Variants in EBF1 observed in about 807,000 individuals in gnomAD.
EBF1 encodes the protein EBF transcription factor 1, also known as transcription factor COE1.
A neutral mutation model predicts 68.4 loss-of-function variants in EBF1; 10 were observed. The observed-to-expected ratio is 0.15, with a 90% CI of 0.09 to 0.25. The LOEUF (loss-of-function observed/expected upper bound fraction) is 0.25, where lower values mean the gene tolerates loss of function less well. Ranked by LOEUF, EBF1 falls within the 10% of genes least tolerant of loss-of-function variation. The pLI, the probability that EBF1 is intolerant of heterozygous loss-of-function variation, is 1.00. For missense variants in EBF1, 509 were observed against 794.4 expected (o/e 0.64, Z 4.32); for synonymous variants, 298 against 299.8 (o/e 0.99, Z 0.06).
chr5:158,763,542 A>G (rs1771973402), intron 10 of EBF1, among the ~76,000 whole-genome samples: 1 of 152,178 alleles, frequency 6.6e-6, no homozygotes, highest in Admixed American at 6.6e-5. Context: ...AAAAGCATGT[A>G]AACAAATCAG....
chr5:159,090,053 A>G (rs1248459440), intron 4 of EBF1, among the ~76,000 whole-genome samples: 2 of 152,114 alleles, frequency 1.3e-5, no homozygotes, highest in Non-Finnish European at 2.9e-5. Context: ...TAAGAGAATA[A>G]GTTCATGAAT....
At chr5:158,840,693 A>AC in intron 6 of EBF1, among the ~76,000 whole-genome samples, 1 of 83,574 alleles carries the variant, frequency 1.2e-5, no homozygotes, top group Admixed American at 2.1e-4. Flanking sequence ...TTTTTTTGAG[A>AC]CGGAGTCTCG....
At chr5:158,943,613 G>A (rs1400307459) in intron 6 of EBF1, among the ~76,000 whole-genome samples, 1 of 152,098 alleles carries the variant, frequency 6.6e-6, no homozygotes, top group Non-Finnish European at 1.5e-5. Flanking sequence ...ATCATTCTGG[G>A]TTCTAGAATC....
At chr5:158,849,904 T>C (rs1429462431) in intron 6 of EBF1, among the ~76,000 whole-genome samples, 1 of 152,222 alleles carries the variant, frequency 6.6e-6, no homozygotes, top group East Asian at 1.9e-4. Context: ...CGAGTGGCTT[T>C]CTCAAAGTTT....
In EBF1 at chr5:158,754,000, T is replaced by C. The variant is rs140157605; in HGVS notation, c.1037-22843A>G. Among the ~76,000 whole-genome samples, 234 of 151,936 alleles carry C rather than the reference T, an allele frequency of 1.5e-3. 1 individual carries two copies. The highest frequency in any genetic ancestry group is 5.2e-3 in the African/African-American group (214 of 41,526). On this transcript the variant is annotated intron_variant, in intron 10 of 15. Transcript: ENST00000313708. ...TTGCTAATTTTTTTTCTAACTAGGGTTTAAAGTTGCAAGTCTAGAGTGCTT... is the reference window on the plus strand; with the variant it reads ...TTGCTAATTTTTTTTCTAACTAGGGCTTAAAGTTGCAAGTCTAGAGTGCTT...
intron 6 of EBF1, among the ~76,000 whole-genome samples, chr5:159,046,398 T>C (rs1217907450): frequency 6.6e-6 from 1 of 152,180 alleles, no homozygotes; most frequent in Non-Finnish European, 1.5e-5. Flanking sequence ...TGTCGACTTG[T>C]GCAATGACAA....
rs553050053 is a variant in EBF1 at position 158,893,879 on chromosome 5, C to T, written c.555-53769G>A. Among the ~76,000 whole-genome samples, 9 of 152,178 alleles carry T rather than the reference C, an allele frequency of 5.9e-5. No individual in the cohort carries two copies. The South Asian group carries it at 1.9e-3, about 32-fold the overall frequency. ...AGAGGCTGAAGGGCTCTTCGGGGACCAAATTACAGTTTCAAAATGGTTCTT... is the reference window on the plus strand; with the variant it reads ...AGAGGCTGAAGGGCTCTTCGGGGACTAAATTACAGTTTCAAAATGGTTCTT... On this transcript the variant is annotated intron_variant, in intron 6 of 15. Coordinates refer to ENST00000313708, the MANE Select transcript of EBF1 (RefSeq NM_024007.5).
intron 9 of EBF1, among the ~76,000 whole-genome samples, chr5:158,792,167 A>G (rs550404523): frequency 2.0e-5 from 3 of 152,326 alleles, no homozygotes; most frequent in East Asian, 1.9e-4. Context: ...ACAATTTTTT[A>G]AAAGACTTTT....
intron 6 of EBF1, among the ~76,000 whole-genome samples, chr5:159,033,733 C>T (rs1769430086): frequency 6.6e-6 from 1 of 152,160 alleles, no homozygotes; most frequent in Non-Finnish European, 1.5e-5. Context: ...TTTACAAATG[C>T]ATAAAATGCC....
At chr5:158,942,493 A>G (rs1390389210) in intron 6 of EBF1, among the ~76,000 whole-genome samples, 1 of 152,230 alleles carries the variant, frequency 6.6e-6, no homozygotes, top group Admixed American at 6.5e-5. Flanking sequence ...GACACGTGGT[A>G]AGCCCTCAAC....
intron 15 of EBF1, among the ~76,000 whole-genome samples, chr5:158,700,572 C>G (rs892589104): frequency 2.6e-5 from 4 of 151,836 alleles, no homozygotes; most frequent in African/African-American, 9.7e-5. Flanking sequence ...ACAGGGAGGC[C>G]ACCCTGGGCT....
At chr5:158,810,299 T>G (rs562304009) in intron 8 of EBF1, among the ~76,000 whole-genome samples, 201 of 152,260 alleles carry the variant, frequency 1.3e-3, no homozygotes, top group African/African-American at 4.6e-3. Flanking sequence ...TAGTAGGTGC[T>G]CAGTATCTGT....
At chr5:158,952,764 G>C (rs991412433) in intron 6 of EBF1, among the ~76,000 whole-genome samples, 2 of 152,026 alleles carry the variant, frequency 1.3e-5, no homozygotes, top group South Asian at 4.1e-4. Flanking sequence ...AAGTTGCTTC[G>C]TGTGCCCTAA....
intron 6 of EBF1, among the ~76,000 whole-genome samples, chr5:159,043,536 C>G (rs1255683970): frequency 6.6e-6 from 1 of 152,204 alleles, no homozygotes; most frequent in Admixed American, 6.5e-5. Context: ...TGACCCACTA[C>G]TCCAAACTTC....
intron 15 of EBF1, among the ~76,000 whole-genome samples, chr5:158,703,783 G>T (rs1375484812): frequency 6.6e-6 from 1 of 152,136 alleles, no homozygotes; most frequent in Non-Finnish European, 1.5e-5. Flanking sequence ...TCTGCTGAAA[G>T]TGCCCCTTGC....
intron 9 of EBF1, among the ~76,000 whole-genome samples, chr5:158,779,031 T>C (rs140761897): frequency 5.3e-5 from 8 of 152,164 alleles, no homozygotes; most frequent in East Asian, 1.9e-4. Context: ...AGTTTAATAA[T>C]GTAGAGAGAA....
Position 159,099,588 on chromosome 5 carries a change from A to AT in EBF1, c.-111dup, listed in dbSNP as rs1158313686. 14,458 of 1,099,404 alleles carry AT rather than the reference A, an allele frequency of 0.013. 8 individuals are homozygous for AT. The highest frequency in any genetic ancestry group is 0.024 in the African/African-American group (1,420 of 60,004). 68.1% of individuals were successfully genotyped at this position (1,099,404 alleles called of 1,614,324 possible). A position where few individuals can be genotyped will look rare whatever the true frequency, so the allele number is the denominator to read the frequency against. The stretch of plus-strand genomic sequence containing the variant: ...AAAGAAACAAAAACGCCAACCAGAG[A>AT]TTTTTTTTTTTCTCAGACGATGAAC... On this transcript the variant is annotated 5_prime_UTR_variant, in exon 1 of 16. Transcript: ENST00000313708.
intron 6 of EBF1, among the ~76,000 whole-genome samples, chr5:158,938,630 A>C (rs537153632): frequency 2.6e-5 from 4 of 152,232 alleles, no homozygotes; most frequent in Non-Finnish European, 5.9e-5. Context: ...CCCAGTCTGC[A>C]GAGGGCTGCC....
intron 15 of EBF1, among the ~76,000 whole-genome samples, chr5:158,702,509 G>A (rs555118538): frequency 3.8e-4 from 57 of 151,968 alleles, no homozygotes; most frequent in African/African-American, 1.2e-3. Context: ...TTTCATTACC[G>A]TTTCCATATT....
Sources: gnomAD v4.1 joint callset for allele counts (sites outside exome capture counted in the v4.1 genomes callset) on GRCh38, gnomAD v4.1.1 for gene constraint, MANE v1.5 for transcripts, NCBI Gene and HGNC (gene_info 2026-07-23, HGNC 2026-07-21) for gene names.